The following STX8 variants were observed in gnomAD, a reference collection of about 807,000 sequenced individuals.
STX8 encodes the protein syntaxin 8, also known as syntaxin-8.
A neutral mutation model predicts 37.5 loss-of-function variants in STX8; 23 were observed. That is an observed-to-expected ratio of 0.61 (90% CI 0.44 to 0.87). STX8 has a LOEUF of 0.87. Ranked by LOEUF, STX8 falls within the 40% of genes least tolerant of loss-of-function variation. The probability of loss-of-function intolerance (pLI) is 0.00; values close to 1 mark genes in which losing one functional copy is unlikely to be tolerated. For synonymous variants in STX8, 115 were observed against 99.1 expected, an observed-to-expected ratio of 1.16 and a Z score of -0.95; for missense variants, 313 against 284.7, an observed-to-expected ratio of 1.10 and a Z score of -0.71.
chr17:9,348,014 G>T (rs1367706894), intron 7 of STX8, among the ~76,000 whole-genome samples: 1 of 152,158 alleles, frequency 6.6e-6, no homozygotes, highest in Non-Finnish European at 1.5e-5. Flanking sequence ...TATGGTGTGT[G>T]TGAAGGCTTT....
intron 4 of STX8, among the ~76,000 whole-genome samples, chr17:9,527,540 T>C (rs921822545): frequency 6.6e-6 from 1 of 152,246 alleles, no homozygotes; most frequent in African/African-American, 2.4e-5. Context: ...ACTGGAGTTT[T>C]CCTTCTTTTT....
intron 7 of STX8, among the ~76,000 whole-genome samples, chr17:9,286,008 C>T (rs770095022): frequency 1.6e-4 from 25 of 151,996 alleles, no homozygotes; most frequent in Non-Finnish European, 2.5e-4. Context: ...GCTTTGGAAA[C>T]GCCGAGGGAA....
At chr17:9,510,744 T>G (rs905462079) in intron 4 of STX8, among the ~76,000 whole-genome samples, 6 of 150,924 alleles carry the variant, frequency 4.0e-5, no homozygotes, top group African/African-American at 1.5e-4. Context: ...CCAAAATTAG[T>G]AAAGGAAAGA....
intron 4 of STX8, among the ~76,000 whole-genome samples, chr17:9,506,375 T>C (rs1904823923): frequency 7.3e-6 from 1 of 137,720 alleles, no homozygotes; most frequent in South Asian, 2.2e-4. Context: ...ATCAGCAAGA[T>C]GACTGATTAG....
At chr17:9,278,235 G>A (rs1366801499) in intron 7 of STX8, among the ~76,000 whole-genome samples, 2 of 152,208 alleles carry the variant, frequency 1.3e-5, no homozygotes. Context: ...ATCACCTGAG[G>A]TCGCGAGTTT....
chr17:9,293,967 G>T (rs1055291448), intron 7 of STX8, among the ~76,000 whole-genome samples: 5 of 151,792 alleles, frequency 3.3e-5, no homozygotes, highest in African/African-American at 7.3e-5. Flanking sequence ...GGGTTTCACC[G>T]TGTTAGCCAG....
At chr17:9,378,515 A>C in intron 7 of STX8, 37 bp downstream of exon 7, 1 of 1,554,768 alleles carries the variant, frequency 6.4e-7, no homozygotes, top group African/African-American at 1.4e-5. Context: ...TCCACAAGCT[A>C]TGACAGAAAC....
intron 7 of STX8, among the ~76,000 whole-genome samples, chr17:9,323,974 G>A (rs540667762): frequency 5.2e-4 from 79 of 152,254 alleles, no homozygotes; most frequent in African/African-American, 1.6e-3. Flanking sequence ...GTGGGGCGGA[G>A]AGGCATCGGT....
intron 2 of STX8, among the ~76,000 whole-genome samples, chr17:9,564,561 C>T (rs986617994): frequency 1.3e-5 from 2 of 152,102 alleles, no homozygotes; most frequent in African/African-American, 4.8e-5. Flanking sequence ...TCCTGTACAC[C>T]AACAGTCAAG....
intron 6 of STX8, among the ~76,000 whole-genome samples, chr17:9,428,561 C>G (rs1913727151): frequency 6.6e-6 from 1 of 152,158 alleles, no homozygotes; most frequent in East Asian, 1.9e-4. Context: ...CTTAATCTCT[C>G]TTGAGGTGTG....
chr17:9,357,873 C>G (rs939823188), intron 7 of STX8, among the ~76,000 whole-genome samples: 3 of 152,146 alleles, frequency 2.0e-5, no homozygotes, highest in Non-Finnish European at 4.4e-5. Flanking sequence ...GACAGTTTCT[C>G]TAATGTGAAG....
intron 6 of STX8, among the ~76,000 whole-genome samples, chr17:9,433,424 C>G (rs1914043909): frequency 2.0e-5 from 3 of 152,166 alleles, no homozygotes; most frequent in South Asian, 2.1e-4. Context: ...TCACTATAAG[C>G]TTTTCTCAAT....
chr17:9,450,852 C>A (rs981547745), intron 6 of STX8, among the ~76,000 whole-genome samples: 2 of 151,936 alleles, frequency 1.3e-5, no homozygotes, highest in Non-Finnish European at 2.9e-5. Flanking sequence ...TCTTAACCAG[C>A]AATGCAGGAA....
intron 7 of STX8, among the ~76,000 whole-genome samples, chr17:9,324,720 G>T (rs1338408298): frequency 7.2e-6 from 1 of 138,960 alleles, no homozygotes; most frequent in East Asian, 2.2e-4. Flanking sequence ...AGCCATGATT[G>T]TACCACTGCA....
At chr17:9,372,028 C>CT (rs1911418578) in intron 7 of STX8, among the ~76,000 whole-genome samples, 1 of 152,044 alleles carries the variant, frequency 6.6e-6, no homozygotes, top group Non-Finnish European at 1.5e-5. Flanking sequence ...TCCTAGCATC[C>CT]TAGAATATGC....
At chr17:9,527,194 A>AAAAAAAAAAAG (rs1905613391) in intron 4 of STX8, among the ~76,000 whole-genome samples, 1 of 141,654 alleles carries the variant, frequency 7.1e-6, no homozygotes, top group Non-Finnish European at 1.5e-5. Context: ...TCAAAAAAAA[A>AAAAAAAAAAAG]AAAAAAAAAG....
intron 7 of STX8, among the ~76,000 whole-genome samples, chr17:9,268,965 A>C (rs1209898696): frequency 6.6e-6 from 1 of 152,150 alleles, no homozygotes; most frequent in Non-Finnish European, 1.5e-5. Flanking sequence ...AGGCGGGCGG[A>C]TCATGAAGTC....
intron 7 of STX8, among the ~76,000 whole-genome samples, chr17:9,302,923 C>A (rs1453233942): frequency 3.4e-5 from 5 of 149,094 alleles, no homozygotes; most frequent in Non-Finnish European, 7.4e-5. Flanking sequence ...TTATGTTTCT[C>A]AGAACTCACA....
intron 2 of STX8, among the ~76,000 whole-genome samples, chr17:9,561,513 G>T (rs1309734788): frequency 6.6e-6 from 1 of 151,810 alleles, no homozygotes; most frequent in African/African-American, 2.4e-5. Flanking sequence ...ACAATAATTA[G>T]CCAGGCGTGG....
Sources: gnomAD v4.1 joint callset for allele counts (sites outside exome capture counted in the v4.1 genomes callset) on GRCh38, gnomAD v4.1.1 for gene constraint, MANE v1.5 for transcripts, NCBI Gene and HGNC (gene_info 2026-07-23, HGNC 2026-07-21) for gene names.